PCDHA3: variants seen among roughly 807,000 people sequenced by gnomAD.
PCDHA3 encodes the protein protocadherin alpha-3.
PCDHA3 carries 41 observed loss-of-function variants against 62.2 expected under a neutral mutation model. That is an observed-to-expected ratio of 0.66 (90% confidence interval 0.51 to 0.86). The LOEUF is 0.86. PCDHA3 is among the 40% of genes least tolerant of loss of function. PCDHA3 has a pLI of 0.00. For missense variants in PCDHA3, 1,304 were observed against 1,241.2 expected (o/e 1.05, Z -0.76); for synonymous variants, 640 against 555.4 (o/e 1.15, Z -2.14).
At chr5:140,969,112 A>G (rs781784282) in intron 1 of PCDHA3, 4 of 1,614,022 alleles carry the variant, frequency 2.5e-6, no homozygotes, top group Admixed American at 3.3e-5. Context: ...TTGAAGTTCG[A>G]GGGAATGGCT....
intron 3 of PCDHA3, among the ~76,000 whole-genome samples, chr5:140,994,342 T>C (rs571225967): frequency 1.3e-5 from 2 of 152,288 alleles, no homozygotes; most frequent in South Asian, 4.1e-4. Flanking sequence ...ACAGTGGATG[T>C]TGTGGGACCT....
In PCDHA3 at chr5:140,858,521, A is replaced by G. The variant is rs782589492; in HGVS notation, c.2394+54930A>G. On this transcript the variant is annotated intron_variant, in intron 1 of 3. Transcript: ENST00000522353. Reference sequence around the variant, plus strand: ...CATTTTCTCAAATATGTATCAGAATATTTCATTTTTGTCTACATTCCATTT... The same window carrying G: ...CATTTTCTCAAATATGTATCAGAATGTTTCATTTTTGTCTACATTCCATTT... 1.4e-6 allele frequency: 2 copies of G among 1,420,880 alleles called. 1 individual carries two copies. Among genetic ancestry groups the G allele is most frequent in the Non-Finnish European group, 1.9e-6 (2 of 1,028,816 alleles). 88.0% of individuals were successfully genotyped at this position (1,420,880 alleles called of 1,614,324 possible).
At chr5:140,917,587 C>T (rs2078270380) in intron 1 of PCDHA3, among the ~76,000 whole-genome samples, 1 of 152,164 alleles carries the variant, frequency 6.6e-6, no homozygotes, top group Non-Finnish European at 1.5e-5. Context: ...TTTGTTCATG[C>T]TGAAAGGAAG....
chr5:140,877,023 G>A (rs1554169254), intron 1 of PCDHA3: 2 of 1,612,456 alleles, frequency 1.2e-6, no homozygotes, highest in Non-Finnish European at 1.7e-6. Flanking sequence ...GCGGCAAGGT[G>A]TACGCGCTGC....
chr5:140,980,432 C>A (rs1228010505), intron 2 of PCDHA3, among the ~76,000 whole-genome samples: 1 of 152,118 alleles, frequency 6.6e-6, no homozygotes, highest in East Asian at 1.9e-4. Context: ...GAGATCGAGA[C>A]CATCCTGGAC....
rs1554121657 is a variant in PCDHA3 at position 140,801,741 on chromosome 5, G to A, written c.544G>A (p.Val182Ile). 1 of 1,613,948 alleles carries A rather than the reference G, an allele frequency of 6.2e-7. No homozygotes were observed. ...LDSTEYFTLD[V>I]KRNDEEIKSL... is the part of the protein sequence containing the mutation. ...TTCCACTGAATATTTTACCTTGGAC[G>A]TTAAAAGAAATGATGAGGAAATTAA... Residue 182 changes from valine to isoleucine, a missense_variant, in exon 1 of 4, where the codon GTT becomes ATT. By Grantham distance (29) the Val-to-Ile change is conservative (BLOSUM62 3). Coordinates refer to ENST00000522353, the MANE Select transcript of PCDHA3 (RefSeq NM_018906.3).
chr5:140,858,323 G>A, intron 1 of PCDHA3: 2 of 1,596,704 alleles, frequency 1.3e-6, no homozygotes, highest in Non-Finnish European at 1.7e-6. Context: ...GGTGTGTTCT[G>A]GGGAGGGCCT....
At chr5:140,939,060 A>G (rs1435006375) in intron 1 of PCDHA3, among the ~76,000 whole-genome samples, 1 of 152,208 alleles carries the variant, frequency 6.6e-6, no homozygotes, top group Non-Finnish European at 1.5e-5. Flanking sequence ...TTGGGCTGCT[A>G]TATCAAAATA....
At chr5:140,870,761 T>C (rs1456957620) in intron 1 of PCDHA3, 1 of 1,613,524 alleles carries the variant, frequency 6.2e-7, no homozygotes, top group Non-Finnish European at 8.5e-7. Flanking sequence ...CTGCAGGTGT[T>C]CGTGCTGGAC....
chr5:140,876,148 G>A, intron 1 of PCDHA3: 1 of 1,613,954 alleles, frequency 6.2e-7, no homozygotes, highest in East Asian at 2.2e-5. Context: ...AACAGGGTCT[G>A]TCCAGATTCA....
chr5:140,821,985 C>T (rs2150112598), intron 1 of PCDHA3: 1 of 1,614,156 alleles, frequency 6.2e-7, no homozygotes, highest in Non-Finnish European at 8.5e-7. Flanking sequence ...CCAAGGGCCG[C>T]GGGGACCTTC....
rs370640529 is a variant in PCDHA3, at chr5:140,968,552, C to G, written c.2395-10397C>G. 5 of 1,614,184 alleles carry G rather than the reference C, an allele frequency of 3.1e-6. No homozygotes were observed. The East Asian group carries it at 1.1e-4, about 36-fold the overall frequency. ...GTCAGCAGCCTTCGAGATGGTGCCT[C>G]GAACTGCCCCTGCTGGCTACCTGGT... On this transcript the variant is annotated intron_variant, in intron 1 of 3. Coordinates refer to ENST00000522353, the MANE Select transcript of PCDHA3 (RefSeq NM_018906.3).
Position 141,009,798 on chromosome 5 carries a change from A to G in PCDHA3, c.2714A>G (p.Asn905Ser). Residue 905 changes from asparagine (N) to serine (S), a missense_variant, in exon 4 of 4, where the codon AAC (asparagine) becomes AGC (serine). Physicochemically the swap from Asn to Ser is conservative, Grantham distance 46. Transcript: ENST00000522353. ...AIISIRQEPT[N>S]SQIDKSDFIT... The stretch of plus-strand genomic sequence containing the variant: ...ATCTCCATCCGGCAGGAGCCTACTA[A>G]CAGCCAAATTGACAAAAGTGACTTC... 2 of 1,614,116 alleles carry G rather than the reference A, an allele frequency of 1.2e-6. No homozygotes were observed. Among genetic ancestry groups the G allele is most frequent in the Non-Finnish European group, 1.7e-6 (2 of 1,180,014 alleles).
chr5:140,913,284 G>A (rs1201275371), intron 1 of PCDHA3, among the ~76,000 whole-genome samples: 1 of 152,026 alleles, frequency 6.6e-6, no homozygotes, highest in Non-Finnish European at 1.5e-5. Context: ...GTCTGTTTAG[G>A]TTTTAATTTC....
intron 1 of PCDHA3, among the ~76,000 whole-genome samples, chr5:140,912,408 T>A (rs1376927432): frequency 6.6e-6 from 1 of 152,054 alleles, no homozygotes; most frequent in Non-Finnish European, 1.5e-5. Flanking sequence ...TCAGCTTGGT[T>A]ATTATTGGTG....
At chr5:140,823,362 G>A in intron 1 of PCDHA3, 1 of 1,612,752 alleles carries the variant, frequency 6.2e-7, no homozygotes, top group South Asian at 1.1e-5. Flanking sequence ...AAGTGGAGCT[G>A]CTGCAGTTCC....
At chr5:140,883,690 C>T (rs1313254041) in intron 1 of PCDHA3, 1 of 1,613,870 alleles carries the variant, frequency 6.2e-7, no homozygotes, top group Non-Finnish European at 8.5e-7. Context: ...GCTGCCACAT[C>T]TTCACGGTGT....
chr5:140,847,830 A>G lies in PCDHA3; in HGVS notation c.2394+44239A>G, dbSNP rs137920365. The G allele has an allele frequency of 3.3e-5, 5 of 149,914 alleles. No homozygotes were observed. In the East Asian group the frequency reaches 7.7e-4, roughly 23 times the overall value. The allele number at this position is 149,914 out of a possible 1,614,324, so 9.3% of individuals were successfully genotyped here. ...ATTCATAGAATTACTCAAGAAAACT[A>G]CCTCAGTTGGTTGCTACTTTTTGTT... On this transcript the variant is annotated intron_variant, in intron 1 of 3. Transcript: ENST00000522353.
rs146303235 is a variant in PCDHA3 at position 140,809,159 on chromosome 5, G to T, written c.2394+5568G>T. ...ACTGGTGAAGGACCACGGCGAGCCC[G>T]CGCTGACGGCCACGGCCACTGTGCT... On this transcript the variant is annotated intron_variant, in intron 1 of 3. Transcript: ENST00000522353. The T allele has an allele frequency of 6.2e-6, 10 of 1,613,942 alleles. No homozygotes were observed. Among genetic ancestry groups the T allele is most frequent in the African/African-American group, 5.3e-5 (4 of 75,054 alleles).
Sources: allele counts gnomAD v4.1 joint callset (sites outside exome capture counted in the v4.1 genomes callset), GRCh38; gene constraint gnomAD v4.1.1; transcripts MANE v1.5; gene names NCBI Gene and HGNC (gene_info 2026-07-23, HGNC 2026-07-21).